The following SCARA3 variants were observed in gnomAD, a reference collection of about 807,000 sequenced individuals.
SCARA3 encodes the protein cellular stress response gene protein.
A neutral mutation model predicts 47.0 loss-of-function variants in SCARA3; 39 were observed. The observed-to-expected ratio is 0.83, with a 90% CI of 0.64 to 1.08. The LOEUF (loss-of-function observed/expected upper bound fraction) is 1.08. Ranked by LOEUF, SCARA3 falls within the 50% of genes least tolerant of loss-of-function variation. The probability of loss-of-function intolerance (pLI) is 0.00; values close to 1 mark genes in which losing one functional copy is unlikely to be tolerated. For synonymous variants in SCARA3, 356 were observed against 334.1 expected (o/e 1.07, Z -0.71); for missense variants, 724 against 792.3 (o/e 0.91, Z 1.04).
chr8:27,653,092 C>T (rs1801667226), intron 3 of SCARA3, among the ~76,000 whole-genome samples: 1 of 152,216 alleles, frequency 6.6e-6, no homozygotes, highest in Admixed American at 6.5e-5. Flanking sequence ...CACAAACTTG[C>T]TGTCAGAGAA....
the SCARA3 span, among the ~76,000 whole-genome samples, chr8:27,694,754 C>T: frequency 4.6e-5 from 7 of 152,048 alleles, no homozygotes; most frequent in African/African-American, 1.7e-4. Context: ...TAGCAGAGGA[C>T]AGGGAGGAGG....
At chr8:27,718,583 T>C in the SCARA3 span, among the ~76,000 whole-genome samples, 3 of 152,186 alleles carry the variant, frequency 2.0e-5, no homozygotes, top group African/African-American at 7.2e-5. Flanking sequence ...TGCAGGCTTT[T>C]TGGGGATGGG....
rs377647357 is a variant in SCARA3 at position 27,659,449 on chromosome 8, A to G, written c.1279A>G (p.Asn427Asp). ...FSLLSARLDL[N>D]VRNLSMIVEE... ...CCTGCTCAGTGCCCGGCTGGACCTCAACGTCCGGAACCTCTCCATGATCGT... is the reference window on the plus strand; with the variant it reads ...CCTGCTCAGTGCCCGGCTGGACCTCGACGTCCGGAACCTCTCCATGATCGT... Residue 427 changes from asparagine (N) to aspartate (D), a missense_variant, in exon 5 of 6, where the codon AAC becomes GAC. Physicochemically the swap from Asn to Asp is conservative, Grantham distance 23. Coordinates refer to ENST00000301904, the MANE Select transcript of SCARA3 (RefSeq NM_016240.3). 1.2e-6 allele frequency: 2 copies of G among 1,613,776 alleles called. No homozygotes were observed. The highest frequency in any genetic ancestry group is 2.7e-5 in the African/African-American group (2 of 74,898).
intron 5 of SCARA3, among the ~76,000 whole-genome samples, chr8:27,661,813 C>G (rs1192066945): frequency 6.6e-6 from 1 of 152,116 alleles, no homozygotes; most frequent in African/African-American, 2.4e-5. Context: ...GTATTTCTAC[C>G]TGGGTGGGGT....
chr8:27,709,196 A>G, the SCARA3 span, among the ~76,000 whole-genome samples: 3 of 152,248 alleles, frequency 2.0e-5, no homozygotes, highest in Admixed American at 6.5e-5. Flanking sequence ...CAGAAGCCCA[A>G]GTTAAAAGAA....
the SCARA3 span, among the ~76,000 whole-genome samples, chr8:27,710,415 T>A: frequency 6.6e-6 from 1 of 152,164 alleles, no homozygotes; most frequent in Non-Finnish European, 1.5e-5. Flanking sequence ...TTTGCATACA[T>A]TACCTCAGAC....
chr8:27,718,124 T>C, the SCARA3 span, among the ~76,000 whole-genome samples: 3 of 152,236 alleles, frequency 2.0e-5, no homozygotes, highest in African/African-American at 4.8e-5. Context: ...AGAATGCTTC[T>C]CTACAACCTG....
At chr8:27,715,842 A>ATAGATAGATAGG in the SCARA3 span, among the ~76,000 whole-genome samples, 3 of 88,380 alleles carry the variant, frequency 3.4e-5, no homozygotes, top group South Asian at 6.3e-4. The surrounding 1 kb of genome is among the most constrained non-coding windows in gnomAD (Gnocchi z 4.2). Flanking sequence ...AGATAGATAG[A>ATAGATAGATAGG]TAGATAGATA....
intron 5 of SCARA3, among the ~76,000 whole-genome samples, chr8:27,668,246 A>G (rs1454797820): frequency 1.3e-5 from 2 of 152,222 alleles, no homozygotes; most frequent in African/African-American, 4.8e-5. Flanking sequence ...AGAATCCCTT[A>G]GAAATCACAG....
chr8:27,715,848 A>AGATG, the SCARA3 span, among the ~76,000 whole-genome samples: 1 of 138,296 alleles, frequency 7.2e-6, no homozygotes. This position sits in a 1 kb window ranked among gnomAD's most constrained non-coding sequence, Gnocchi z 4.2. Context: ...ATAGATAGAT[A>AGATG]GATAGATAGA....
chr8:27,684,114 CAGGT>C, the SCARA3 span, among the ~76,000 whole-genome samples: 1 of 152,206 alleles, frequency 6.6e-6, no homozygotes, highest in Admixed American at 6.5e-5. Flanking sequence ...TCTATGTTAA[CAGGT>C]GGGTGATTTA....
chr8:27,681,964 A>C, the SCARA3 span, among the ~76,000 whole-genome samples: 5 of 152,324 alleles, frequency 3.3e-5, no homozygotes, highest in East Asian at 9.6e-4. Context: ...AAAGGACATA[A>C]AATAGTAATG....
chr8:27,674,780 G>A (rs1202715223), downstream of SCARA3, among the ~76,000 whole-genome samples: 2 of 143,476 alleles, frequency 1.4e-5, no homozygotes, highest in Non-Finnish European at 3.0e-5. Flanking sequence ...CCAGGCTGGA[G>A]TGCAGTGGCG....
the SCARA3 span, among the ~76,000 whole-genome samples, chr8:27,713,820 G>A: frequency 6.6e-6 from 1 of 152,194 alleles, no homozygotes; most frequent in African/African-American, 2.4e-5. Flanking sequence ...ATCAGGATGT[G>A]ACAGAGTTTG....
the SCARA3 span, among the ~76,000 whole-genome samples, chr8:27,690,288 G>T: frequency 2.1e-3 from 135 of 63,802 alleles, no homozygotes; most frequent in African/African-American, 5.0e-3. Context: ...AGCAGCCAGC[G>T]CACATTTAAA....
At chr8:27,694,683 A>G in the SCARA3 span, among the ~76,000 whole-genome samples, 1 of 152,158 alleles carries the variant, frequency 6.6e-6, no homozygotes, top group Non-Finnish European at 1.5e-5. Flanking sequence ...GCTTACCTCC[A>G]TGATAATTTG....
At chr8:27,715,806 TATAG>T in the SCARA3 span, among the ~76,000 whole-genome samples, 357 of 146,490 alleles carry the variant, frequency 2.4e-3, 2 homozygotes, top group African/African-American at 7.1e-3. The surrounding 1 kb of genome is among the most constrained non-coding windows in gnomAD (Gnocchi z 4.2). Flanking sequence ...AGATGACAGA[TATAG>T]ATAGATAGAT....
chr8:27,645,563 G>C (rs1801475762), intron 1 of SCARA3, among the ~76,000 whole-genome samples: 1 of 152,250 alleles, frequency 6.6e-6, no homozygotes. Flanking sequence ...ATATTTAGGA[G>C]CCACTAACCA....
chr8:27,731,821 C>T, the SCARA3 span, among the ~76,000 whole-genome samples: 65,902 of 151,820 alleles, frequency 0.43, 14,583 homozygotes, highest in East Asian at 0.63. Context: ...TTGGAAGGGA[C>T]ATTACATGAA....
Sources: gnomAD v4.1 joint callset for allele counts (sites outside exome capture counted in the v4.1 genomes callset) on GRCh38, gnomAD v4.1.1 for gene constraint, Gnocchi (gnomAD v3.1) non-coding constraint, MANE v1.5 for transcripts, NCBI Gene and HGNC (gene_info 2026-07-23, HGNC 2026-07-21) for gene names.